ALMS1: variants seen among roughly 807,000 people sequenced by gnomAD.
ALMS1 encodes the protein centrosome-associated protein ALMS1.
In ALMS1, 271 loss-of-function variants were observed where a neutral mutation model predicts 352.2. The ratio of observed to expected loss-of-function variants is 0.77; its 90% CI spans 0.70 to 0.85. ALMS1 has a LOEUF of 0.85. Among genes scored for constraint, ALMS1 ranks in the 40% least tolerant of loss-of-function variants. The probability of loss-of-function intolerance (pLI) is 0.00; values close to 1 mark genes in which losing one functional copy is unlikely to be tolerated. For missense variants in ALMS1, 5,445 were observed against 4,870.7 expected, an observed-to-expected ratio of 1.12 and a Z score of -3.51; for synonymous variants, 1,865 against 1,761.2, an observed-to-expected ratio of 1.06 and a Z score of -1.48.
Position 73,440,470 on chromosome 2 carries a change from CTT to C in ALMS1, c.1433-7489_1433-7488del, listed in dbSNP as rs1008862216. On this transcript the variant is annotated intron_variant, in intron 7 of 22. Transcript: ENST00000613296. ...TCGCTGTCTTTCTCTCTCTCTCTCT[CTT>C]GCTGTCTCTTTCTCTCTCTCGGCTC... Among the ~76,000 whole-genome samples the C allele has an allele frequency of 6.6e-5, 10 of 152,254 alleles. No individual in the cohort carries two copies. In the South Asian group the frequency reaches 8.3e-4, roughly 13 times the overall value.
intron 12 of ALMS1, among the ~76,000 whole-genome samples, chr2:73,542,250 G>A (rs1481554082): frequency 1.2e-4 from 19 of 152,032 alleles, no homozygotes; most frequent in East Asian, 9.7e-4. Flanking sequence ...GCATATAAAC[G>A]GAACCAAAGA....
At chr2:73,393,430 T>C (rs541473460) in intron 1 of ALMS1, among the ~76,000 whole-genome samples, 1 of 152,302 alleles carries the variant, frequency 6.6e-6, no homozygotes, top group East Asian at 1.9e-4. Context: ...TGTAAATTTA[T>C]AGAGTTCAAG....
Position 73,482,556 on chromosome 2 carries a change from C to T in ALMS1, c.7675-7078C>T, listed in dbSNP as rs534000174. Among the ~76,000 whole-genome samples, 7 of 152,264 alleles carry T rather than the reference C, an allele frequency of 4.6e-5. No homozygotes were observed. In the East Asian group the frequency reaches 1.3e-3, roughly 29 times the overall value. On this transcript the variant is annotated intron_variant, in intron 9 of 22. Coordinates refer to ENST00000613296, the MANE Select transcript of ALMS1 (RefSeq NM_001378454.1). ...AAAATTCTCTTTTTTTGTTGTGTCT[C>T]TGCCTGGCTTTGGTATCAGAATGAT...
chr2:73,456,663 C>A (rs1191198926), intron 9 of ALMS1: 1 of 151,976 alleles, frequency 6.6e-6, no homozygotes, highest in African/African-American at 2.4e-5. Context: ...TGGATTATCT[C>A]AATTTTGGAA....
chr2:73,580,841 G>A (rs993882414), intron 16 of ALMS1, among the ~76,000 whole-genome samples: 1 of 152,194 alleles, frequency 6.6e-6, no homozygotes, highest in Admixed American at 6.5e-5. Context: ...TAGCTTAGTA[G>A]CTGGCTACTT....
At chr2:73,551,579 C>T (rs1674435926) in intron 13 of ALMS1, among the ~76,000 whole-genome samples, 1 of 151,662 alleles carries the variant, frequency 6.6e-6, no homozygotes, top group Admixed American at 6.6e-5. Flanking sequence ...GGTTTACAGG[C>T]ACCCGCCTCC....
chr2:73,424,640 G>T lies in ALMS1; in HGVS notation c.975G>T (p.Ser325=), dbSNP rs370267673. ...AAGGGAATAATGAAGAGACTATTTC[G>T]TCTGTTGATGAACTGAAAATTCCCA... The part of the protein sequence containing the change: ...SEQGNNEETI[S]SVDELKIPKD... The change falls in exon 5 of 23, where the codon TCG becomes TCT. Residue 325 remains serine, a synonymous_variant. Coordinates refer to ENST00000613296, the MANE Select transcript of ALMS1 (RefSeq NM_001378454.1). 1.2e-6 allele frequency: 2 copies of T among 1,613,948 alleles called. No homozygotes were observed. The highest frequency in any genetic ancestry group is 2.2e-5 in the East Asian group (1 of 44,868).
At chr2:73,500,729 T>TAAA (rs1177672678) in intron 10 of ALMS1, among the ~76,000 whole-genome samples, 106 of 152,184 alleles carry the variant, frequency 7.0e-4, no homozygotes, top group Non-Finnish European at 1.2e-3. Context: ...CTATATTGAG[T>TAAA]TCAGGCCAAG....
In ALMS1 at chr2:73,572,750, T is replaced by C. The variant is rs762668289; in HGVS notation, c.10873T>C (p.Leu3625=). The change falls in exon 16 of 23, where the codon TTG becomes CTG. Residue 3625 remains leucine, a synonymous_variant. Coordinates refer to ENST00000613296, the MANE Select transcript of ALMS1 (RefSeq NM_001378454.1). The stretch of plus-strand genomic sequence containing the variant: ...GTTGGGTGACAGGAAAGAACTGTCC[T>C]TGGTGGACCGACTTGATCGTTTGGC... ...PELGDRKELS[L]VDRLDRLAKI... is the part of the protein sequence containing the mutation. 6.2e-7 allele frequency: 1 copy of C among 1,614,044 alleles called. No individual in the cohort carries two copies. The highest frequency in any genetic ancestry group is 2.2e-5 in the East Asian group (1 of 44,882).
At chr2:73,408,503 G>A in intron 1 of ALMS1, 119 bp from the exon 2 acceptor site, 1 of 1,154,632 alleles carries the variant, frequency 8.7e-7, no homozygotes, top group Non-Finnish European at 1.2e-6. Flanking sequence ...AAATCAAAAT[G>A]TCGTATATGT....
rs760607996 is a variant in ALMS1, at chr2:73,573,301, A to G, written c.11424A>G (p.Leu3808=). The G allele has an allele frequency of 9.9e-6, 16 of 1,614,006 alleles. No homozygotes were observed. The Admixed American group carries it at 1.7e-4, about 17-fold the overall frequency. The change falls in exon 16 of 23, where the codon TTA becomes TTG. Residue 3808 remains leucine (L), a synonymous_variant. Coordinates refer to ENST00000613296, the MANE Select transcript of ALMS1 (RefSeq NM_001378454.1). ...GCTTGTCACCCAGACGAATTAAATTATATAGCAGCATCACCAACCAACAGA... is the reference window on the plus strand; with the variant it reads ...GCTTGTCACCCAGACGAATTAAATTGTATAGCAGCATCACCAACCAACAGA... The part of the protein sequence containing the change: ...RVCLSPRRIK[L]YSSITNQQRR...
intron 15 of ALMS1, among the ~76,000 whole-genome samples, chr2:73,564,465 C>CAAAAAAAAAAAAAAAAAAAAAAAAAA: frequency 1.6e-5 from 1 of 63,362 alleles, no homozygotes; most frequent in Non-Finnish European, 3.4e-5. Flanking sequence ...GACTCCGTCT[C>CAAAAAAAAAAAAAAAAAAAAAAAAAA]AAAAAAAAAA....
chr2:73,452,862 G>A lies in ALMS1; in HGVS notation c.6335G>A (p.Ser2112Asn), dbSNP rs1671977223. The A allele has an allele frequency of 2.5e-6, 4 of 1,613,892 alleles. No homozygotes were observed. Among genetic ancestry groups the A allele is most frequent in the Non-Finnish European group, 3.4e-6 (4 of 1,179,982 alleles). ...TTCAGTCCACAGGAATTGCCAGGTA[G>A]TCATGTAACTGAAGATGTGCTGAAG... is the stretch of plus-strand genomic sequence containing the variant. ...NIFSPQELPGSHVTEDVLKVS... is the reference protein window; with the variant it reads ...NIFSPQELPGNHVTEDVLKVS... Residue 2112 changes from serine (S) to asparagine (N), a missense_variant, in exon 8 of 23, where the codon AGT (serine) becomes AAT (asparagine). By Grantham distance (46) the Ser-to-Asn change is conservative. Transcript: ENST00000613296.
At chr2:73,485,336 G>T (rs1035799643) in intron 9 of ALMS1, among the ~76,000 whole-genome samples, 15 of 152,180 alleles carry the variant, frequency 9.9e-5, no homozygotes, top group Non-Finnish European at 1.5e-4. Flanking sequence ...ACCCTGCCGT[G>T]TGAGGTGTCA....
chr2:73,599,645 C>T (rs1675630509), intron 17 of ALMS1, 124 bp downstream of exon 17: 3 of 1,198,062 alleles, frequency 2.5e-6, no homozygotes, highest in Non-Finnish European at 3.6e-6. Context: ...TGCCAATTTT[C>T]ATCTTGTCAG....
chr2:73,395,322 G>T (rs1281900157), intron 1 of ALMS1, among the ~76,000 whole-genome samples: 1 of 151,312 alleles, frequency 6.6e-6, no homozygotes, highest in Admixed American at 6.6e-5. Context: ...CAAGTGATCT[G>T]CCCACCTTGG....
intron 9 of ALMS1, among the ~76,000 whole-genome samples, chr2:73,471,960 A>G (rs1422474739): frequency 3.9e-5 from 6 of 152,062 alleles, no homozygotes; most frequent in African/African-American, 9.7e-5. Context: ...ATAAACATCT[A>G]TAGATGAATG....
At position 73,450,946 on chromosome 2, in the gene ALMS1, C is replaced by G; in HGVS notation, c.4419C>G (p.Ser1473=). The G allele has an allele frequency of 6.2e-7, 1 of 1,612,008 alleles. No individual in the cohort carries two copies. Among genetic ancestry groups the G allele is most frequent in the Non-Finnish European group, 8.5e-7 (1 of 1,179,326 alleles). The change falls in exon 8 of 23, where the codon TCC becomes TCG. Residue 1473 remains serine (S), a synonymous_variant. Coordinates refer to ENST00000613296, the MANE Select transcript of ALMS1 (RefSeq NM_001378454.1). ...DQTIGTPTVT[S]PSSSFGEKPI... ...CGATTGGCACACCAACTGTAACCTC[C>G]CCTTCCAGCTCATTTGGAGAGAAGC...
chr2:73,525,125 A>G (rs537010279), intron 11 of ALMS1, among the ~76,000 whole-genome samples: 74 of 152,240 alleles, frequency 4.9e-4, no homozygotes, highest in African/African-American at 1.8e-3. Context: ...GCCTTTGTGT[A>G]TATGTACTAC....
Sources: gnomAD v4.1 joint callset for allele counts (sites outside exome capture counted in the v4.1 genomes callset) on GRCh38, gnomAD v4.1.1 for gene constraint, MANE v1.5 for transcripts, NCBI Gene and HGNC (gene_info 2026-07-23, HGNC 2026-07-21) for gene names.